CTNNA3: variants seen among roughly 807,000 people sequenced by gnomAD.
CTNNA3 encodes the protein catenin alpha 3.
CTNNA3 carries 76 observed loss-of-function variants against 95.7 expected under a neutral mutation model. The ratio of observed to expected loss-of-function variants is 0.79; its 90% CI spans 0.66 to 0.96. CTNNA3 has a LOEUF of 0.96. CTNNA3 is among the 40% of genes least tolerant of loss of function. The pLI is 0.00. For missense variants in CTNNA3, 1,191 were observed against 1,089.8 expected (o/e 1.09, Z -1.31); for synonymous variants, 431 against 374.4 (o/e 1.15, Z -1.74).
At chr10:67,324,287 G>A (rs1055210612) in intron 5 of CTNNA3, among the ~76,000 whole-genome samples, 1 of 152,102 alleles carries the variant, frequency 6.6e-6, no homozygotes, top group African/African-American at 2.4e-5. Context: ...GTGAGAGAAG[G>A]CATCCTTGTC....
intron 5 of CTNNA3, among the ~76,000 whole-genome samples, chr10:67,252,477 ATAAC>A (rs1412603487): frequency 6.6e-6 from 1 of 152,208 alleles, no homozygotes; most frequent in African/African-American, 2.4e-5. Context: ...ATCAGCAACA[ATAAC>A]TAATAACAAA....
chr10:65,933,848 A>G (rs979116176), intron 17 of CTNNA3, among the ~76,000 whole-genome samples: 3 of 152,134 alleles, frequency 2.0e-5, no homozygotes, highest in African/African-American at 2.4e-5. Flanking sequence ...ACCTTTTACA[A>G]CTGATTGGTC....
At chr10:66,543,711 G>C (rs1189473585) in intron 10 of CTNNA3, among the ~76,000 whole-genome samples, 2 of 151,184 alleles carry the variant, frequency 1.3e-5, no homozygotes, top group African/African-American at 4.8e-5. Flanking sequence ...TTTCCTATTA[G>C]AACCTCTGTT....
intron 5 of CTNNA3, among the ~76,000 whole-genome samples, chr10:67,405,713 T>C (rs1157930559): frequency 2.0e-5 from 3 of 152,150 alleles, no homozygotes; most frequent in Middle Eastern, 3.2e-3. Context: ...CTGACAGATA[T>C]CTATAGAACT....
chr10:66,420,484 T>C (rs1189493766), intron 11 of CTNNA3, among the ~76,000 whole-genome samples: 1 of 152,054 alleles, frequency 6.6e-6, no homozygotes, highest in African/African-American at 2.4e-5. Context: ...GGTGGGAATG[T>C]AAATTAGTAC....
At chr10:66,201,094 T>A (rs1390733967) in intron 13 of CTNNA3, among the ~76,000 whole-genome samples, 4 of 152,208 alleles carry the variant, frequency 2.6e-5, no homozygotes, top group African/African-American at 9.6e-5. Flanking sequence ...TAAACTTATG[T>A]GATTTTAATC....
intron 7 of CTNNA3, among the ~76,000 whole-genome samples, chr10:67,062,152 G>A (rs980608471): frequency 1.3e-5 from 2 of 151,368 alleles, no homozygotes; most frequent in Non-Finnish European, 2.9e-5. Context: ...GAGGCAGGTG[G>A]ATGATATTTG....
chr10:66,809,799 C>T (rs1183674576), intron 7 of CTNNA3, among the ~76,000 whole-genome samples: 2 of 135,582 alleles, frequency 1.5e-5, no homozygotes, highest in Non-Finnish European at 3.1e-5. Flanking sequence ...CCTAGAATTG[C>T]TGATTTCTTT....
intron 3 of CTNNA3, among the ~76,000 whole-genome samples, chr10:67,559,287 C>A (rs1369670244): frequency 6.6e-6 from 1 of 152,198 alleles, no homozygotes; most frequent in Non-Finnish European, 1.5e-5. Flanking sequence ...CCCTCTGAGA[C>A]AAAACTTCCA....
At chr10:67,587,242 T>TGC (rs71006154) in intron 3 of CTNNA3, among the ~76,000 whole-genome samples, 1 of 144,612 alleles carries the variant, frequency 6.9e-6, no homozygotes, top group Non-Finnish European at 1.5e-5. Context: ...TGTGTGTGTG[T>TGC]AGAGCCAGAG....
chr10:66,103,381 T>C, intron 13 of CTNNA3, 132 bp from the exon 14 acceptor site: 1 of 678,884 alleles, frequency 1.5e-6, no homozygotes, highest in Non-Finnish European at 2.6e-6. Flanking sequence ...CCCAGTTATA[T>C]ACTCAAGAGA....
At chr10:66,963,492 CA>C (rs1227538366) in intron 7 of CTNNA3, among the ~76,000 whole-genome samples, 1 of 152,140 alleles carries the variant, frequency 6.6e-6, no homozygotes, top group East Asian at 1.9e-4. Context: ...TAGATGTGAG[CA>C]AATAATAGTG....
At chr10:66,687,353 C>A (rs993238883) in intron 9 of CTNNA3, among the ~76,000 whole-genome samples, 22 of 152,150 alleles carry the variant, frequency 1.4e-4, no homozygotes, top group African/African-American at 4.8e-4. Context: ...CTTCTTGATG[C>A]CTCCCATTTC....
At chr10:66,324,053 C>G (rs554232179) in intron 12 of CTNNA3, among the ~76,000 whole-genome samples, 1 of 152,020 alleles carries the variant, frequency 6.6e-6, no homozygotes, top group Non-Finnish European at 1.5e-5. Context: ...AATAAAAACT[C>G]ACATTCGCTT....
In CTNNA3 at chr10:66,103,180, G is replaced by C; in HGVS notation, c.1954C>G (p.Gln652Glu). 6.2e-7 allele frequency: 1 copy of C among 1,613,972 alleles called. No individual in the cohort carries two copies. Among genetic ancestry groups the C allele is most frequent in the East Asian group, 2.2e-5 (1 of 44,862 alleles). Reference protein sequence around the residue: ...EHEVRSHTSIQTEGKTDRAKM... With the variant: ...EHEVRSHTSIETEGKTDRAKM... ...ACCCTATCAGTTTTCCCTTCGGTCTGAATGCTGGTGTGACTGCGGACCTCG... is the reference window on the plus strand; with the variant it reads ...ACCCTATCAGTTTTCCCTTCGGTCTCAATGCTGGTGTGACTGCGGACCTCG... The change falls in exon 14 of 18, where the codon CAG becomes GAG. Residue 652 changes from glutamine (Q) to glutamate (E), a missense_variant. Transcript: ENST00000433211.
intron 15 of CTNNA3, among the ~76,000 whole-genome samples, chr10:66,002,259 A>G (rs2078786159): frequency 6.6e-6 from 1 of 152,164 alleles, no homozygotes; most frequent in Non-Finnish European, 1.5e-5. Context: ...TAATTTGGCA[A>G]ATTTCTCCCT....
chr10:66,601,111 T>C (rs1000717358), intron 10 of CTNNA3, among the ~76,000 whole-genome samples: 2 of 151,858 alleles, frequency 1.3e-5, no homozygotes, highest in African/African-American at 2.4e-5. Context: ...ATATGGTAGC[T>C]CTAGGAAAGT....
At chr10:67,697,966 A>G (rs758433923), upstream of CTNNA3, among the ~76,000 whole-genome samples, 1 of 152,196 alleles carries the variant, frequency 6.6e-6, no homozygotes, top group Non-Finnish European at 1.5e-5. Context: ...ATAGGGTAGG[A>G]GACAAAAGCA....
intron 5 of CTNNA3, among the ~76,000 whole-genome samples, chr10:67,397,554 G>C (rs990508068): frequency 3.3e-5 from 5 of 152,188 alleles, no homozygotes; most frequent in African/African-American, 1.2e-4. Flanking sequence ...GGATGCAATA[G>C]AATAGAAAAG....
Sources: gnomAD v4.1 joint callset for allele counts (sites outside exome capture counted in the v4.1 genomes callset) on GRCh38, gnomAD v4.1.1 for gene constraint, MANE v1.5 for transcripts, NCBI Gene and HGNC (gene_info 2026-07-23, HGNC 2026-07-21) for gene names.